The following PRKG1 variants were observed in gnomAD, a reference collection of about 807,000 sequenced individuals.
PRKG1 encodes the protein cGMP-dependent protein kinase 1.
In PRKG1, 35 loss-of-function variants were observed where a neutral mutation model predicts 88.1. That is an observed-to-expected ratio of 0.40 (90% CI 0.30 to 0.53). PRKG1 has a LOEUF of 0.53. Ranked by LOEUF, PRKG1 falls within the 20% of genes least tolerant of loss-of-function variation. The pLI is 0.59. For synonymous variants in PRKG1, 303 were observed against 292.5 expected, an observed-to-expected ratio of 1.04 and a Z score of -0.37; for missense variants, 540 against 839.8, an observed-to-expected ratio of 0.64 and a Z score of 4.41.
At chr10:51,718,064 C>T (rs1246994844) in intron 3 of PRKG1, among the ~76,000 whole-genome samples, 8 of 152,040 alleles carry the variant, frequency 5.3e-5, no homozygotes, top group Admixed American at 5.2e-4. Context: ...GTTCTGAGCG[C>T]TAGGTGTTGT....
intron 1 of PRKG1, among the ~76,000 whole-genome samples, chr10:51,121,885 T>C (rs1845268468): frequency 6.6e-6 from 1 of 152,174 alleles, no homozygotes; most frequent in Non-Finnish European, 1.5e-5. Context: ...ATAAATATGG[T>C]CCTAATGGCA....
intron 2 of PRKG1, among the ~76,000 whole-genome samples, chr10:51,207,293 G>A (rs1589244082): frequency 1.3e-5 from 2 of 152,008 alleles, no homozygotes; most frequent in African/African-American, 2.4e-5. Context: ...CCTTCCTTAC[G>A]TTCAAGACTT....
At chr10:52,221,634 C>T (rs1344693480) in intron 9 of PRKG1, among the ~76,000 whole-genome samples, 1 of 152,024 alleles carries the variant, frequency 6.6e-6, no homozygotes, top group Non-Finnish European at 1.5e-5. Context: ...TGAATATTCA[C>T]TGTCAGTGAA....
chr10:51,833,935 A>C (rs1240046907), intron 4 of PRKG1, among the ~76,000 whole-genome samples: 1 of 152,158 alleles, frequency 6.6e-6, no homozygotes, highest in Non-Finnish European at 1.5e-5. Context: ...GATTTTACAT[A>C]TAAGTGAGAT....
At chr10:51,306,664 G>A (rs931267586) in intron 2 of PRKG1, 1 of 152,170 alleles carries the variant, frequency 6.6e-6, no homozygotes, top group Admixed American at 6.6e-5. Context: ...ACAACATCTA[G>A]TAAAGGAGAC....
chr10:52,019,924 A>G (rs1845139473), intron 5 of PRKG1, among the ~76,000 whole-genome samples: 2 of 152,276 alleles, frequency 1.3e-5, no homozygotes, highest in South Asian at 4.2e-4. Context: ...ATTTCAGAGG[A>G]TCTGGAGTTC....
intron 2 of PRKG1, among the ~76,000 whole-genome samples, chr10:51,361,666 C>T (rs188560521): frequency 8.4e-4 from 128 of 151,882 alleles, no homozygotes; most frequent in African/African-American, 2.9e-3. Flanking sequence ...CATACAGTTA[C>T]TTCTGAAATG....
At chr10:51,431,669 C>T (rs1441016178) in intron 2 of PRKG1, among the ~76,000 whole-genome samples, 3 of 152,058 alleles carry the variant, frequency 2.0e-5, no homozygotes, top group African/African-American at 7.2e-5. Flanking sequence ...GCTACAAATG[C>T]CAGTGCAACA....
At chr10:51,923,087 T>C (rs1050699134) in intron 5 of PRKG1, among the ~76,000 whole-genome samples, 6 of 152,096 alleles carry the variant, frequency 3.9e-5, no homozygotes, top group Non-Finnish European at 1.5e-5. Flanking sequence ...TCGTTAGGTT[T>C]ATGCACTTAA....
intron 10 of PRKG1, among the ~76,000 whole-genome samples, chr10:52,268,918 C>T (rs544139151): frequency 6.6e-6 from 1 of 152,032 alleles, no homozygotes; most frequent in Non-Finnish European, 1.5e-5. Flanking sequence ...TTATCCTCAG[C>T]TAGAACTAGG....
At chr10:51,972,560 T>G (rs1398239321) in intron 5 of PRKG1, among the ~76,000 whole-genome samples, 2 of 152,218 alleles carry the variant, frequency 1.3e-5, no homozygotes, top group African/African-American at 4.8e-5. Flanking sequence ...CACTTGGTTC[T>G]GTTAGACATT....
At chr10:52,092,651 T>A (rs1319618391) in intron 7 of PRKG1, among the ~76,000 whole-genome samples, 1 of 152,218 alleles carries the variant, frequency 6.6e-6, no homozygotes, top group African/African-American at 2.4e-5. Context: ...ATCTACAAAA[T>A]GTAGAAGACT....
Position 51,238,206 on chromosome 10 carries a change from A to G in PRKG1, c.478+84876A>G, listed in dbSNP as rs200463007. On this transcript the variant is annotated intron_variant, in intron 2 of 17. Coordinates refer to ENST00000373980, the MANE Select transcript of PRKG1 (RefSeq NM_006258.4). ...TTTCACTTATAAGTAGTAGTAGAAT[A>G]AACAGAATCATAAAATGTTGGTGGG... 2.0e-5 allele frequency among the ~76,000 whole-genome samples: 3 copies of G among 152,176 alleles called. No individual in the cohort carries two copies. In the East Asian group the frequency reaches 5.8e-4, roughly 29 times the overall value.
At chr10:52,102,649 ACATTC>A (rs1237309004) in intron 7 of PRKG1, among the ~76,000 whole-genome samples, 112 of 140,772 alleles carry the variant, frequency 8.0e-4, no homozygotes, top group Non-Finnish European at 1.4e-3. Context: ...GATCTTGGAG[ACATTC>A]AAGAGCTAAC....
At chr10:52,292,495 C>A (rs951280016) in intron 17 of PRKG1, among the ~76,000 whole-genome samples, 4 of 151,862 alleles carry the variant, frequency 2.6e-5, no homozygotes, top group Admixed American at 2.0e-4. Flanking sequence ...AGCCAGTTTT[C>A]CCAGCACCAT....
At chr10:51,230,324 T>A (rs1393805821) in intron 2 of PRKG1, among the ~76,000 whole-genome samples, 1 of 152,196 alleles carries the variant, frequency 6.6e-6, no homozygotes, top group Non-Finnish European at 1.5e-5. Context: ...GCATTGGCAC[T>A]AATGGGTACC....
At chr10:51,260,594 G>A (rs1415688342) in intron 2 of PRKG1, among the ~76,000 whole-genome samples, 1 of 152,178 alleles carries the variant, frequency 6.6e-6, no homozygotes, top group Non-Finnish European at 1.5e-5. Context: ...TGCTTGTGGT[G>A]AAATGCAGAT....
At chr10:51,455,844 T>C (rs185634021) in intron 2 of PRKG1, among the ~76,000 whole-genome samples, 102 of 152,300 alleles carry the variant, frequency 6.7e-4, no homozygotes, top group African/African-American at 2.4e-3. Flanking sequence ...GTTCCAAACT[T>C]TCCCACGTTT....
intron 7 of PRKG1, among the ~76,000 whole-genome samples, chr10:52,104,551 A>C (rs1185949148): frequency 6.6e-6 from 1 of 152,146 alleles, no homozygotes; most frequent in Non-Finnish European, 1.5e-5. Context: ...GTCATGAATA[A>C]GGCCACCTCT....
Sources: gnomAD v4.1 joint callset for allele counts (sites outside exome capture counted in the v4.1 genomes callset) on GRCh38, gnomAD v4.1.1 for gene constraint, MANE v1.5 for transcripts, NCBI Gene and HGNC (gene_info 2026-07-23, HGNC 2026-07-21) for gene names.